SEMA4G: variants seen among roughly 807,000 people sequenced by gnomAD.
SEMA4G encodes semaphorin 4G, also known as semaphorin-4G.
A neutral mutation model predicts 81.2 loss-of-function variants in SEMA4G; 59 were observed. The ratio of observed to expected loss-of-function variants is 0.73; its 90% confidence interval spans 0.59 to 0.90. The LOEUF (loss-of-function observed/expected upper bound fraction) is 0.90. Ranked by LOEUF, SEMA4G falls within the 40% of genes least tolerant of loss-of-function variation. The probability of loss-of-function intolerance (pLI) is 0.00; values close to 1 mark genes in which losing one functional copy is unlikely to be tolerated. For missense variants in SEMA4G, 952 were observed against 1,102.3 expected (o/e 0.86, Z 1.93); for synonymous variants, 404 against 433.9 (o/e 0.93, Z 0.86).
intron 3 of SEMA4G, among the ~76,000 whole-genome samples, chr10:100,976,676 T>G (rs1474878713): frequency 6.6e-6 from 1 of 152,100 alleles, no homozygotes; most frequent in Non-Finnish European, 1.5e-5. Context: ...GTAGCAAAAG[T>G]GTGTTGTTTG....
At position 100,981,171 on chromosome 10, in the gene SEMA4G, A is replaced by G. The variant is rs138772734; in HGVS notation, c.1632A>G (p.Thr544=). The change falls in exon 13 of 14, where the codon ACA becomes ACG. Residue 544 remains threonine (T), a synonymous_variant. Coordinates refer to ENST00000370250, the Ensembl canonical transcript of SEMA4G. ...AAAACCTGATCTTCTGTCCCAGGAC[A>G]GCACTGATACAGGACATAGAGAGAG... The G allele has an allele frequency of 2.4e-5, 39 of 1,614,266 alleles. 1 individual carries two copies. The African/African-American group carries it at 4.7e-4, about 19-fold the overall frequency.
At chr10:100,970,313 GC>G (rs1245315131), upstream of SEMA4G, among the ~76,000 whole-genome samples, 1 of 147,474 alleles carries the variant, frequency 6.8e-6, no homozygotes, top group Non-Finnish European at 1.5e-5. Context: ...ACTTAGCCCC[GC>G]CCCCTCCCAC....
intron 10 of SEMA4G, 114 bp from the exon 12 acceptor site, chr10:100,980,464 C>T: frequency 7.4e-7 from 1 of 1,344,532 alleles, no homozygotes; most frequent in East Asian, 2.3e-5. Flanking sequence ...CTGCTCCTGG[C>T]TGAGTCCTTG....
At chr10:100,977,769 C>T in intron 4 of SEMA4G, 39 bp downstream of exon 5, 5 of 1,487,336 alleles carry the variant, frequency 3.4e-6, no homozygotes, top group Non-Finnish European at 4.7e-6. Flanking sequence ...CTGTTGACTT[C>T]ATTAGGGATG....
chr10:100,977,789 T>G, intron 4 of SEMA4G, 59 bp downstream of exon 5: 1 of 1,389,724 alleles, frequency 7.2e-7, no homozygotes, highest in Non-Finnish European at 1.0e-6. Flanking sequence ...GGGATCATGT[T>G]CAAGATGCCA....
At chr10:100,980,643 G>A in exon 11 of SEMA4G, 1 of 1,614,242 alleles carries the variant, frequency 6.2e-7, no homozygotes, top group Non-Finnish European at 8.5e-7. Context: ...AGAGACACAA[G>A]TGTTCAGGGA....
At chr10:100,984,851 G>T, downstream of SEMA4G, 1 of 1,500,310 alleles carries the variant, frequency 6.7e-7, no homozygotes, top group Non-Finnish European at 8.9e-7. Flanking sequence ...TGGCCCTTGT[G>T]AATCAGCCTC....
chr10:100,980,219 G>A lies in SEMA4G; in HGVS notation c.1226G>A (p.Arg409Gln), dbSNP rs199635372. The A allele has an allele frequency of 2.0e-5, 33 of 1,614,212 alleles. No individual in the cohort carries two copies. In the Admixed American group the frequency reaches 2.2e-4, roughly 11 times the overall value. The change falls in exon 10 of 14, where the codon CGG (arginine) becomes CAG (glutamine). Residue 409 changes from arginine to glutamine, a missense_variant. Arg to Gln is a conservative substitution (Grantham distance 43). Coordinates refer to ENST00000370250, the Ensembl canonical transcript of SEMA4G. The stretch of plus-strand genomic sequence containing the variant: ...GTAAAGTTGCACCCACTGATGGCTC[G>A]GCCCGTTGTGCCCACACGTGGACGG...
At chr10:100,982,036 T>G (rs1851106090) in intron 13 of SEMA4G, among the ~76,000 whole-genome samples, 1 of 125,788 alleles carries the variant, frequency 7.9e-6, no homozygotes, top group Non-Finnish European at 1.6e-5. Flanking sequence ...CCAGCCTGGA[T>G]AACAGAGTGA....
intron 8 of SEMA4G, 103 bp downstream of exon 9, chr10:100,979,374 T>G: frequency 1.5e-5 from 23 of 1,584,612 alleles, no homozygotes; most frequent in Admixed American, 9.2e-5. Context: ...GAGGTCTGGC[T>G]GCAAAGTGAG....
chr10:100,984,049 C>T (rs1295465666), exon 14 of SEMA4G: 3 of 1,613,704 alleles, frequency 1.9e-6, no homozygotes, highest in Non-Finnish European at 1.7e-6. Flanking sequence ...GGGCCCTGCT[C>T]CTTCGCCGAG....
At position 100,983,912 on chromosome 10, in the gene SEMA4G, A is replaced by ACCCCCCCC; in HGVS notation, c.2303_2304insCCCCCCCC (p.Pro771HisfsTer10). 7 of 185,336 alleles carry ACCCCCCCC rather than the reference A, an allele frequency of 3.8e-5. No homozygotes were observed. Among genetic ancestry groups the ACCCCCCCC allele is most frequent in the South Asian group, 3.4e-4 (5 of 14,792 alleles). 11.5% of individuals were successfully genotyped at this position (185,336 alleles called of 1,614,324 possible). Reference sequence around the variant, plus strand: ...CTGGGGAGGGAGCCCCAGCCCCACCACCCCCACCGCCCCCACCGCCACCGG... The same window carrying ACCCCCCCC: ...CTGGGGAGGGAGCCCCAGCCCCACCACCCCCCCCCCCCCACCGCCCCCACCGCCACCGG... On this transcript the variant is annotated frameshift_variant, in exon 14 of 14. Coordinates refer to ENST00000370250, the Ensembl canonical transcript of SEMA4G. LOFTEE classifies it high-confidence loss of function.
At chr10:100,981,856 G>A (rs1851094967) in intron 13 of SEMA4G, among the ~76,000 whole-genome samples, 1 of 152,036 alleles carries the variant, frequency 6.6e-6, no homozygotes, top group Non-Finnish European at 1.5e-5. Context: ...TCAGGAATTG[G>A]AGACCAGCCT....
At chr10:100,970,352 C>T (rs187570014), upstream of SEMA4G, among the ~76,000 whole-genome samples, 99 of 152,156 alleles carry the variant, frequency 6.5e-4, no homozygotes, top group East Asian at 0.019. Context: ...AGAGCTCCAG[C>T]CCGTCTCCCA....
intron 4 of SEMA4G, 120 bp from the exon 6 acceptor site, chr10:100,978,172 GCAT>G (rs953357556): frequency 1.5e-4 from 98 of 647,892 alleles, no homozygotes; most frequent in Admixed American, 4.2e-4. Context: ...GCTGTCAGGT[GCAT>G]CTGCCATACA....
chr10:100,972,990 G>C lies in SEMA4G; in HGVS notation c.78G>C (p.Pro26=), dbSNP rs571547734. The change falls in exon 1 of 14, where the codon CCG becomes CCC. Residue 26 remains proline, a synonymous_variant. Transcript: ENST00000370250. Reference sequence around the variant, plus strand: ...TCCCAGGACCCTCACTGCGGAGACCGTCTAGAGAACTAGATGCCACCCCTC... The same window carrying C: ...TCCCAGGACCCTCACTGCGGAGACCCTCTAGAGAACTAGATGCCACCCCTC... The C allele has an allele frequency of 1.4e-5, 22 of 1,613,936 alleles. No homozygotes were observed. The Admixed American group carries it at 2.5e-4, about 18-fold the overall frequency.
At chr10:100,981,908 A>G (rs1254650372) in intron 13 of SEMA4G, among the ~76,000 whole-genome samples, 2 of 151,734 alleles carry the variant, frequency 1.3e-5, no homozygotes, top group African/African-American at 2.4e-5. Flanking sequence ...AAATACAAAA[A>G]TTAGCCGGGT....
At chr10:100,969,864 T>C (rs1327288610), upstream of SEMA4G, 1 of 455,622 alleles carries the variant, frequency 2.2e-6, no homozygotes, top group Non-Finnish European at 4.4e-6. Flanking sequence ...GGGTCACGTC[T>C]CCCGGCGTCC....
chr10:100,977,922 T>C, intron 4 of SEMA4G, 192 bp downstream of exon 5: 1 of 594,332 alleles, frequency 1.7e-6, no homozygotes, highest in Non-Finnish European at 3.0e-6. Context: ...CCATGCAGTT[T>C]TTATAGCATT....
Sources: allele counts gnomAD v4.1 joint callset (sites outside exome capture counted in the v4.1 genomes callset), GRCh38; gene constraint gnomAD v4.1.1; transcripts MANE v1.5; gene names NCBI Gene and HGNC (gene_info 2026-07-23, HGNC 2026-07-21).